Variants in LRP1B observed in about 807,000 individuals in gnomAD.
The protein encoded by LRP1B is LDL receptor related protein 1B.
LRP1B carries 217 observed loss-of-function variants against 556.6 expected under a neutral mutation model. The ratio of observed to expected loss-of-function variants is 0.39; its 90% CI spans 0.35 to 0.44. The LOEUF is 0.44. Among genes scored for constraint, LRP1B ranks in the 20% least tolerant of loss-of-function variants. The probability of loss-of-function intolerance (pLI) is 1.00; values close to 1 mark genes in which losing one functional copy is unlikely to be tolerated. For synonymous variants in LRP1B, 2,047 were observed against 1,865.8 expected, an observed-to-expected ratio of 1.10 and a Z score of -2.50; for missense variants, 5,053 against 5,620.8, an observed-to-expected ratio of 0.90 and a Z score of 3.23.
At chr2:141,609,860 G>A (rs1388524985) in intron 2 of LRP1B, among the ~76,000 whole-genome samples, 3 of 152,136 alleles carry the variant, frequency 2.0e-5, no homozygotes, top group Non-Finnish European at 4.4e-5. Context: ...CCTAATGTTA[G>A]AAAGAGTATA....
chr2:140,724,586 A>G (rs1687523581), intron 35 of LRP1B, among the ~76,000 whole-genome samples: 1 of 152,156 alleles, frequency 6.6e-6, no homozygotes, highest in Non-Finnish European at 1.5e-5. Context: ...TAAACTTCAG[A>G]TTTGGGTTCT....
chr2:140,683,602 G>A, intron 41 of LRP1B: 1 of 696,656 alleles, frequency 1.4e-6, no homozygotes, highest in South Asian at 1.4e-5. Context: ...TGTTCCTTGG[G>A]TGGACAGTTT....
intron 3 of LRP1B, among the ~76,000 whole-genome samples, chr2:141,353,847 T>C (rs2105546312): frequency 6.6e-6 from 1 of 152,136 alleles, no homozygotes; most frequent in Admixed American, 6.6e-5. Context: ...TGATTCACTA[T>C]CCTAAACATT....
Position 141,519,360 on chromosome 2 carries a change from G to T in LRP1B, c.206-38827C>A, listed in dbSNP as rs1240507774. Among the ~76,000 whole-genome samples, 87 of 68,308 alleles carry T rather than the reference G, an allele frequency of 1.3e-3. 1 individual carries two copies. The highest frequency in any genetic ancestry group is 4.4e-3 in the African/African-American group (78 of 17,668). 44.8% of individuals were successfully genotyped at this position (68,308 alleles called of 152,430 possible). A position where few individuals can be genotyped will look rare whatever the true frequency, so the allele number is the denominator to read the frequency against. ...CACCATGTGTGGGGCTTAAGTCAAT[G>T]ATATATATATATATATATATATATA... On this transcript the variant is annotated intron_variant, in intron 2 of 90. Coordinates refer to ENST00000389484, the MANE Select transcript of LRP1B (RefSeq NM_018557.3).
At chr2:141,774,875 A>G (rs921750731) in intron 2 of LRP1B, among the ~76,000 whole-genome samples, 2 of 152,180 alleles carry the variant, frequency 1.3e-5, no homozygotes, top group African/African-American at 4.8e-5. Context: ...AGCTGCAGCC[A>G]TGGCGACTCA....
chr2:140,536,796 TATAAAG>T (rs1488774154), intron 45 of LRP1B, 87 bp from the exon 46 acceptor site: 8 of 997,542 alleles, frequency 8.0e-6, no homozygotes, highest in Non-Finnish European at 1.2e-5. Flanking sequence ...TAATTTTAAT[TATAAAG>T]ATAAACTAAA....
chr2:140,843,083 TTGTTTTTTTTTTTTTTG>T (rs1559151629), intron 29 of LRP1B, among the ~76,000 whole-genome samples: 1 of 22,670 alleles, frequency 4.4e-5, no homozygotes, highest in African/African-American at 1.3e-4. Context: ...TTTTTTTTGT[TTGTTTTTTTTTTTTTTG>T]TTTTTTTTTT....
intron 9 of LRP1B, among the ~76,000 whole-genome samples, chr2:141,056,702 G>C (rs1047050004): frequency 5.3e-5 from 8 of 151,732 alleles, no homozygotes; most frequent in African/African-American, 1.7e-4. Flanking sequence ...TTCTCCATTT[G>C]TGATTACTGC....
At chr2:141,281,015 C>T (rs1685490621) in intron 3 of LRP1B, among the ~76,000 whole-genome samples, 1 of 151,906 alleles carries the variant, frequency 6.6e-6, no homozygotes, top group Non-Finnish European at 1.5e-5. Flanking sequence ...ATTCAATATT[C>T]ATACTCAAAA....
At chr2:141,958,168 T>C (rs970498381) in intron 1 of LRP1B, among the ~76,000 whole-genome samples, 5 of 152,058 alleles carry the variant, frequency 3.3e-5, no homozygotes, top group African/African-American at 1.2e-4. Context: ...ATTTCTTCTT[T>C]TAGCGTCACC....
chr2:141,120,481 A>T (rs142076155), intron 7 of LRP1B, among the ~76,000 whole-genome samples: 1 of 151,986 alleles, frequency 6.6e-6, no homozygotes, highest in South Asian at 2.1e-4. Flanking sequence ...CACATAAGGC[A>T]ATTTCAATGC....
At chr2:140,624,259 T>C (rs1407693217) in intron 41 of LRP1B, among the ~76,000 whole-genome samples, 1 of 152,006 alleles carries the variant, frequency 6.6e-6, no homozygotes, top group Non-Finnish European at 1.5e-5. Flanking sequence ...GCAAACAGAC[T>C]GTATATACCA....
chr2:141,598,177 A>C (rs1033879870), intron 2 of LRP1B, among the ~76,000 whole-genome samples: 4 of 152,042 alleles, frequency 2.6e-5, no homozygotes, highest in Admixed American at 2.0e-4. Context: ...TATACATTAA[A>C]GGGCAGTATA....
intron 2 of LRP1B, among the ~76,000 whole-genome samples, chr2:141,681,780 C>T (rs1691113989): frequency 6.6e-6 from 1 of 152,120 alleles, no homozygotes; most frequent in Non-Finnish European, 1.5e-5. Context: ...CTCTGGATAT[C>T]CTTGTCACAA....
In LRP1B at chr2:140,425,289, C is replaced by G. The variant is rs142158083; in HGVS notation, c.10414+17215G>C. On this transcript the variant is annotated intron_variant, in intron 66 of 90. Transcript: ENST00000389484. ...CTATTCCATTAATTTGTATCTGAGT[C>G]TTACTTCTCTGCCTAATTACAATCT... 3.2e-3 allele frequency among the ~76,000 whole-genome samples: 482 copies of G among 152,270 alleles called. 1 individual carries two copies. The highest frequency in any genetic ancestry group is 0.011 in the African/African-American group (456 of 41,562).
chr2:141,257,577 A>G (rs1303780056), intron 3 of LRP1B, among the ~76,000 whole-genome samples: 1 of 152,168 alleles, frequency 6.6e-6, no homozygotes, highest in African/African-American at 2.4e-5. Context: ...GAAAGACCAG[A>G]CCTCAAACAT....
At chr2:140,318,912 T>C (rs925235437) in intron 82 of LRP1B, among the ~76,000 whole-genome samples, 7 of 152,130 alleles carry the variant, frequency 4.6e-5, no homozygotes, top group Admixed American at 4.6e-4. Flanking sequence ...GTTTTCAAAA[T>C]ATTTAGTATT....
chr2:142,055,642 C>T (rs1207947239), intron 1 of LRP1B, among the ~76,000 whole-genome samples: 1 of 152,196 alleles, frequency 6.6e-6, no homozygotes, highest in South Asian at 2.1e-4. Context: ...ACCTCATAAC[C>T]TAAGAAAATT....
At chr2:142,070,747 A>T (rs1412047555) in intron 1 of LRP1B, among the ~76,000 whole-genome samples, 1 of 151,970 alleles carries the variant, frequency 6.6e-6, no homozygotes, top group Non-Finnish European at 1.5e-5. Flanking sequence ...GAAACCAGGC[A>T]AACTAATCAT....
Sources: gnomAD v4.1 joint callset for allele counts (sites outside exome capture counted in the v4.1 genomes callset) on GRCh38, gnomAD v4.1.1 for gene constraint, MANE v1.5 for transcripts, NCBI Gene and HGNC (gene_info 2026-07-23, HGNC 2026-07-21) for gene names.